SLC35F3: variants seen among roughly 807,000 people sequenced by gnomAD.
SLC35F3 encodes the protein putative thiamine transporter SLC35F3.
SLC35F3 carries 25 observed loss-of-function variants against 49.9 expected under a neutral mutation model. That is an observed-to-expected ratio of 0.50 (90% CI 0.37 to 0.70). The LOEUF is 0.70. SLC35F3 is among the 30% of genes least tolerant of loss of function. The pLI, the probability that SLC35F3 is intolerant of heterozygous loss-of-function variation, is 0.00. For synonymous variants in SLC35F3, 275 were observed against 265.4 expected, an observed-to-expected ratio of 1.04 and a Z score of -0.35; for missense variants, 525 against 639.8, an observed-to-expected ratio of 0.82 and a Z score of 1.94.
At chr1:234,087,979 G>T (rs1664985495) in intron 2 of SLC35F3, among the ~76,000 whole-genome samples, 1 of 152,120 alleles carries the variant, frequency 6.6e-6, no homozygotes, top group Non-Finnish European at 1.5e-5. Flanking sequence ...CTCCACACCT[G>T]CCTCCAGCTT....
chr1:233,943,701 A>G (rs1218220069), intron 2 of SLC35F3, among the ~76,000 whole-genome samples: 1 of 152,226 alleles, frequency 6.6e-6, no homozygotes, highest in East Asian at 1.9e-4. Flanking sequence ...TAATGTGATC[A>G]CTTTGAATAA....
chr1:234,296,767 G>A (rs1333214951), intron 3 of SLC35F3, among the ~76,000 whole-genome samples: 1 of 152,202 alleles, frequency 6.6e-6, no homozygotes, highest in Non-Finnish European at 1.5e-5. Flanking sequence ...GATTCCTGTG[G>A]AGGAGGCTGT....
At chr1:234,150,263 C>T (rs1666057731) in intron 2 of SLC35F3, among the ~76,000 whole-genome samples, 5 of 151,244 alleles carry the variant, frequency 3.3e-5, no homozygotes, top group African/African-American at 1.2e-4. Flanking sequence ...GTAAATAAAG[C>T]AACCAATTTC....
In SLC35F3 at chr1:234,236,925, T is replaced by TTATATATATATATATATATATATATA. The variant is rs55846915; in HGVS notation, c.608+5198_608+5223dup. On this transcript the variant is annotated intron_variant, in intron 3 of 7. Coordinates refer to ENST00000366618, the MANE Select transcript of SLC35F3 (RefSeq NM_173508.4). Reference sequence around the variant, plus strand: ...AGACAGTCTCCTATTAAAAAAAAAATTATATATATATATATATATATATAT... The same window carrying TTATATATATATATATATATATATATA: ...AGACAGTCTCCTATTAAAAAAAAAATTATATATATATATATATATATATATATATATATATATATATATATATATAT... 5.2e-5 allele frequency among the ~76,000 whole-genome samples: 5 copies of TTATATATATATATATATATATATATA among 96,294 alleles called. 1 individual carries two copies. The highest frequency in any genetic ancestry group is 8.2e-5 in the Non-Finnish European group (4 of 48,922). 63.2% of individuals were successfully genotyped at this position (96,294 alleles called of 152,430 possible). A position where few individuals can be genotyped will look rare whatever the true frequency, so the allele number is the denominator to read the frequency against.
At chr1:234,218,030 G>C (rs1379721785) in intron 2 of SLC35F3, among the ~76,000 whole-genome samples, 6 of 152,218 alleles carry the variant, frequency 3.9e-5, no homozygotes, top group African/African-American at 1.4e-4. Context: ...CATGAGGAGA[G>C]TGGGGCTGGG....
Position 233,904,813 on chromosome 1 carries a change from G to C in SLC35F3, c.-265G>C, listed in dbSNP as rs1425582762. 5.8e-6 allele frequency: 1 copy of C among 172,624 alleles called. No homozygotes were observed. The highest frequency in any genetic ancestry group is 1.2e-5 in the Non-Finnish European group (1 of 82,428). 10.7% of individuals were successfully genotyped at this position (172,624 alleles called of 1,614,324 possible). A position where few individuals can be genotyped will look rare whatever the true frequency, so the allele number is the denominator to read the frequency against. On this transcript the variant is annotated 5_prime_UTR_variant, in exon 1 of 8. Coordinates refer to ENST00000366618, the MANE Select transcript of SLC35F3 (RefSeq NM_173508.4). ...CGGGCGTGGGGCGCGGCGCTGCCTC[G>C]GCTGCCGGGTCGTTGCGGCGAGCGC...
intron 2 of SLC35F3, among the ~76,000 whole-genome samples, chr1:234,107,755 A>C: frequency 6.6e-6 from 1 of 152,186 alleles, no homozygotes; most frequent in Non-Finnish European, 1.5e-5. Flanking sequence ...AAATCAAATG[A>C]GAAAGCATTA....
intron 5 of SLC35F3, 151 bp from the exon 6 acceptor site, chr1:234,318,600 G>A: frequency 1.6e-6 from 1 of 626,072 alleles, no homozygotes; most frequent in Admixed American, 2.9e-5. Context: ...GTGAGCAAAT[G>A]AACACAGGCC....
intron 2 of SLC35F3, among the ~76,000 whole-genome samples, chr1:234,045,078 TA>T (rs1205884845): frequency 7.2e-5 from 11 of 152,188 alleles, no homozygotes; most frequent in African/African-American, 2.7e-4. Flanking sequence ...TTAACATATA[TA>T]AAGCATTTAA....
chr1:234,000,885 C>T (rs966606478), intron 2 of SLC35F3, among the ~76,000 whole-genome samples: 1 of 152,148 alleles, frequency 6.6e-6, no homozygotes, highest in African/African-American at 2.4e-5. Context: ...CTGTAATTGG[C>T]ATCAAGGGAG....
intron 2 of SLC35F3, among the ~76,000 whole-genome samples, chr1:234,230,992 C>G (rs1377321041): frequency 1.3e-5 from 2 of 152,172 alleles, no homozygotes; most frequent in African/African-American, 4.8e-5. Context: ...CCCAGGAGCA[C>G]GTGAGTACTC....
intron 2 of SLC35F3, among the ~76,000 whole-genome samples, chr1:234,230,158 C>G (rs961202859): frequency 6.6e-6 from 1 of 152,218 alleles, no homozygotes; most frequent in African/African-American, 2.4e-5. Flanking sequence ...CATTATCTCT[C>G]TTTGACTAAC....
intron 2 of SLC35F3, among the ~76,000 whole-genome samples, chr1:233,930,212 A>T (rs1341591438): frequency 6.6e-6 from 1 of 152,068 alleles, no homozygotes; most frequent in African/African-American, 2.4e-5. Flanking sequence ...TGAGAGGTAC[A>T]GCTCCTGAGA....
chr1:234,214,581 C>G lies in SLC35F3; in HGVS notation c.284-16836C>G. On this transcript the variant is annotated intron_variant, in intron 2 of 7. Transcript: ENST00000366618. The surrounding 1 kb of genome is among the most constrained non-coding windows in gnomAD (Gnocchi z 8.0). ...ACCCTTACCAAAGTGGAAGGTAATGCGCGGCCGCCTCGCCCCGGGGGTCCC... is the reference window on the plus strand; with the variant it reads ...ACCCTTACCAAAGTGGAAGGTAATGGGCGGCCGCCTCGCCCCGGGGGTCCC... 1 of 1,535,044 alleles carries G rather than the reference C, an allele frequency of 6.5e-7. No individual in the cohort carries two copies. The highest frequency in any genetic ancestry group is 1.4e-5 in the African/African-American group (1 of 70,542).
intron 2 of SLC35F3, among the ~76,000 whole-genome samples, chr1:234,121,172 T>C (rs1365111749): frequency 1.4e-5 from 2 of 145,600 alleles, no homozygotes; most frequent in African/African-American, 5.0e-5. Context: ...AGTCTTGCTG[T>C]GTGGCCCAGG....
chr1:234,084,611 T>C (rs1309421579), intron 2 of SLC35F3, among the ~76,000 whole-genome samples: 1 of 152,242 alleles, frequency 6.6e-6, no homozygotes, highest in South Asian at 2.1e-4. Flanking sequence ...TCAGGAAAAT[T>C]AGCAAAGAAG....
intron 2 of SLC35F3, among the ~76,000 whole-genome samples, chr1:234,051,857 T>G (rs58313916): frequency 0.077 from 11,676 of 152,272 alleles, 1,203 homozygotes; most frequent in African/African-American, 0.23. Flanking sequence ...GAAGCACTGT[T>G]GAATTCTGTT....
At chr1:234,253,763 A>C (rs1209809451) in intron 3 of SLC35F3, among the ~76,000 whole-genome samples, 1 of 152,238 alleles carries the variant, frequency 6.6e-6, no homozygotes. Context: ...CACATACCCA[A>C]GGCTGAATGC....
chr1:234,000,126 C>T (rs1663528555), intron 2 of SLC35F3, among the ~76,000 whole-genome samples: 1 of 152,100 alleles, frequency 6.6e-6, no homozygotes, highest in African/African-American at 2.4e-5. Flanking sequence ...AGTATGAATA[C>T]TCACAGTGAA....
Sources: gnomAD v4.1 joint callset for allele counts (sites outside exome capture counted in the v4.1 genomes callset) on GRCh38, gnomAD v4.1.1 for gene constraint, Gnocchi (gnomAD v3.1) non-coding constraint, MANE v1.5 for transcripts, NCBI Gene and HGNC (gene_info 2026-07-23, HGNC 2026-07-21) for gene names.